The following FBXL17 variants were observed in gnomAD, a reference collection of about 807,000 sequenced individuals.
FBXL17 encodes F-box and leucine rich repeat protein 17.
A neutral mutation model predicts 66.2 loss-of-function variants in FBXL17; 22 were observed. The observed-to-expected ratio is 0.33, with a 90% confidence interval of 0.24 to 0.47. The LOEUF is 0.47. FBXL17 is among the 20% of genes least tolerant of loss of function. The pLI, the probability that FBXL17 is intolerant of heterozygous loss-of-function variation, is 1.00. For synonymous variants in FBXL17, 474 were observed against 400.5 expected, an observed-to-expected ratio of 1.18 and a Z score of -2.19; for missense variants, 878 against 948.2, an observed-to-expected ratio of 0.93 and a Z score of 0.97.
At chr5:108,350,298 G>A (rs1747562087) in intron 3 of FBXL17, among the ~76,000 whole-genome samples, 1 of 151,978 alleles carries the variant, frequency 6.6e-6, no homozygotes, top group African/African-American at 2.4e-5. Context: ...TCCTACAATG[G>A]CAAAAAAATG....
In FBXL17 at chr5:108,146,828, A is replaced by T. The variant is rs566985203; in HGVS notation, c.1745+39289T>A. 4.6e-5 allele frequency among the ~76,000 whole-genome samples: 7 copies of T among 152,330 alleles called. No individual in the cohort carries two copies. In the East Asian group the frequency reaches 1.4e-3, roughly 29 times the overall value. Reference sequence around the variant, plus strand: ...CAGCAAAAAGGGATCGTGAAACCTTATCTAGCACAGCCAGAAGAGCAGTGT... The same window carrying T: ...CAGCAAAAAGGGATCGTGAAACCTTTTCTAGCACAGCCAGAAGAGCAGTGT... On this transcript the variant is annotated intron_variant, in intron 6 of 8. Transcript: ENST00000542267.
At chr5:108,108,440 A>G (rs1375948285) in intron 6 of FBXL17, among the ~76,000 whole-genome samples, 1 of 152,226 alleles carries the variant, frequency 6.6e-6, no homozygotes, top group Non-Finnish European at 1.5e-5. Flanking sequence ...TGAGCTCTTT[A>G]GATATAGGAG....
intron 6 of FBXL17, among the ~76,000 whole-genome samples, chr5:108,059,621 T>C (rs542847478): frequency 6.6e-6 from 1 of 152,330 alleles, no homozygotes; most frequent in South Asian, 2.1e-4. Flanking sequence ...TGTTCTCTCC[T>C]CTTGCTTTGC....
chr5:107,997,158 A>C (rs1485948643), intron 7 of FBXL17, among the ~76,000 whole-genome samples: 1 of 152,164 alleles, frequency 6.6e-6, no homozygotes, highest in Non-Finnish European at 1.5e-5. Context: ...AGGGTCAGTG[A>C]CATCTGGTTT....
chr5:107,985,254 G>A (rs1170339801), intron 7 of FBXL17, among the ~76,000 whole-genome samples: 1 of 152,208 alleles, frequency 6.6e-6, no homozygotes, highest in Non-Finnish European at 1.5e-5. Context: ...GGAAATAGAT[G>A]CCTCAGTCTT....
At chr5:108,272,982 A>C (rs1757336983) in intron 4 of FBXL17, among the ~76,000 whole-genome samples, 1 of 152,180 alleles carries the variant, frequency 6.6e-6, no homozygotes, top group Non-Finnish European at 1.5e-5. Flanking sequence ...GACAGAGTAC[A>C]AAAGAGATAA....
At chr5:108,281,256 T>C (rs540306630) in intron 4 of FBXL17, among the ~76,000 whole-genome samples, 1 of 152,006 alleles carries the variant, frequency 6.6e-6, no homozygotes, top group Non-Finnish European at 1.5e-5. Context: ...AGATAGACCA[T>C]ATGTTAAGCC....
intron 5 of FBXL17, among the ~76,000 whole-genome samples, chr5:108,195,535 TAA>T (rs904004760): frequency 3.9e-5 from 6 of 152,152 alleles, no homozygotes; most frequent in Admixed American, 6.5e-5. Context: ...GTGGGTCCTG[TAA>T]GGATTTTAGC....
chr5:108,373,713 CAAGACCAGCCTGGGCAACA>C (rs1180871716), intron 1 of FBXL17, among the ~76,000 whole-genome samples: 1 of 151,976 alleles, frequency 6.6e-6, no homozygotes, highest in Non-Finnish European at 1.5e-5. Flanking sequence ...CCCAGGAGTT[CAAGACCAGCCTGGGCAACA>C]TGGCAAGACC....
intron 6 of FBXL17, among the ~76,000 whole-genome samples, chr5:108,090,080 T>G (rs986058371): frequency 5.3e-5 from 8 of 152,152 alleles, no homozygotes; most frequent in Non-Finnish European, 4.4e-5. Context: ...CTACCCGCCT[T>G]GGCCTCCCAA....
At chr5:108,369,534 A>G (rs191521318) in intron 1 of FBXL17, among the ~76,000 whole-genome samples, 53 of 152,260 alleles carry the variant, frequency 3.5e-4, no homozygotes, top group African/African-American at 1.3e-3. Flanking sequence ...TATAGGGGAA[A>G]TCTCTGTACT....
chr5:108,038,225 A>G (rs569491990), intron 6 of FBXL17, among the ~76,000 whole-genome samples: 35 of 152,266 alleles, frequency 2.3e-4, no homozygotes, highest in African/African-American at 5.3e-4. Flanking sequence ...GACAGGAAAA[A>G]TTTAACATAG....
chr5:107,945,211 A>T (rs1245652203), intron 7 of FBXL17, among the ~76,000 whole-genome samples: 1 of 152,150 alleles, frequency 6.6e-6, no homozygotes, highest in African/African-American at 2.4e-5. Context: ...CCTTAAGGAG[A>T]TTCAGTTTCA....
chr5:108,061,059 G>A (rs918698606), intron 6 of FBXL17, among the ~76,000 whole-genome samples: 2 of 151,916 alleles, frequency 1.3e-5, no homozygotes, highest in African/African-American at 4.8e-5. Flanking sequence ...GGGCAAAGTG[G>A]GCAGATCACC....
intron 6 of FBXL17, among the ~76,000 whole-genome samples, chr5:108,092,232 G>C (rs549173243): frequency 1.3e-5 from 2 of 152,194 alleles, no homozygotes; most frequent in Non-Finnish European, 2.9e-5. Flanking sequence ...GCGATCCAGA[G>C]AAAGGTGGAT....
At chr5:108,317,905 G>A (rs1264266735) in intron 4 of FBXL17, among the ~76,000 whole-genome samples, 1 of 151,228 alleles carries the variant, frequency 6.6e-6, no homozygotes, top group Non-Finnish European at 1.5e-5. Flanking sequence ...ATCAAATGAA[G>A]CTACTATTTT....
intron 4 of FBXL17, among the ~76,000 whole-genome samples, chr5:108,248,770 T>C (rs1255168806): frequency 2.6e-5 from 4 of 152,100 alleles, no homozygotes; most frequent in Non-Finnish European, 5.9e-5. Context: ...AGAAACCATG[T>C]AAGCCAGATG....
intron 6 of FBXL17, among the ~76,000 whole-genome samples, chr5:108,107,851 G>A (rs564710753): frequency 2.3e-4 from 35 of 151,054 alleles, no homozygotes; most frequent in Non-Finnish European, 4.6e-4. Flanking sequence ...AGAAAAGAGA[G>A]ACCTCATTCT....
intron 3 of FBXL17, among the ~76,000 whole-genome samples, chr5:108,360,572 T>C (rs1008863006): frequency 6.6e-6 from 1 of 152,118 alleles, no homozygotes; most frequent in Non-Finnish European, 1.5e-5. Flanking sequence ...TATATCTCTT[T>C]GACATTATCC....
Sources: gnomAD v4.1 joint callset for allele counts (sites outside exome capture counted in the v4.1 genomes callset) on GRCh38, gnomAD v4.1.1 for gene constraint, MANE v1.5 for transcripts, NCBI Gene and HGNC (gene_info 2026-07-23, HGNC 2026-07-21) for gene names.